The following DDX31 variants were observed in gnomAD, a reference collection of about 807,000 sequenced individuals.
DDX31 encodes DEAD-box helicase 31, also known as ATP-dependent DNA helicase DDX31.
Under a neutral mutation model 91.3 loss-of-function variants are expected in DDX31, and 70 were observed. The ratio of observed to expected loss-of-function variants is 0.77; its 90% CI spans 0.63 to 0.94. DDX31 has a LOEUF of 0.94. Ranked by LOEUF, DDX31 falls within the 40% of genes least tolerant of loss-of-function variation. DDX31 has a pLI of 0.00. For missense variants in DDX31, 902 were observed against 925.0 expected, an observed-to-expected ratio of 0.98 and a Z score of 0.32; for synonymous variants, 362 against 350.6, an observed-to-expected ratio of 1.03 and a Z score of -0.36.
At chr9:132,658,209 A>G in intron 6 of DDX31, 1 of 690,062 alleles carries the variant, frequency 1.4e-6, no homozygotes, top group South Asian at 1.5e-5. Context: ...CTTCACTGTA[A>G]GTCTTCACAC....
At chr9:132,642,391 G>A (rs774903105) in intron 13 of DDX31, among the ~76,000 whole-genome samples, 44 of 152,116 alleles carry the variant, frequency 2.9e-4, no homozygotes, top group Non-Finnish European at 4.6e-4. Flanking sequence ...TCAAGCCTGC[G>A]TGCAATTTAT....
intron 11 of DDX31, among the ~76,000 whole-genome samples, chr9:132,647,975 A>C (rs1833939304): frequency 6.6e-6 from 1 of 151,970 alleles, no homozygotes; most frequent in Non-Finnish European, 1.5e-5. Context: ...CCCTTTCCCC[A>C]TGCCCTGGGG....
At chr9:132,643,866 TA>T (rs925285628) in intron 13 of DDX31, among the ~76,000 whole-genome samples, 5 of 151,400 alleles carry the variant, frequency 3.3e-5, no homozygotes, top group Non-Finnish European at 5.9e-5. Flanking sequence ...AGAAAGTTCA[TA>T]AAAGCTTATG....
At chr9:132,655,779 G>C (rs183791663) in intron 6 of DDX31, among the ~76,000 whole-genome samples, 1 of 152,182 alleles carries the variant, frequency 6.6e-6, no homozygotes. Flanking sequence ...ACAAAACAAC[G>C]TTACTGCCAA....
In DDX31 at chr9:132,646,018, C is replaced by A; in HGVS notation, c.1257G>T (p.Glu419Asp). 6.2e-7 allele frequency: 1 copy of A among 1,614,192 alleles called. No individual in the cohort carries two copies. Among genetic ancestry groups the A allele is most frequent in the Non-Finnish European group, 8.5e-7 (1 of 1,180,036 alleles). ...VVFFSSCELV[E>D]FHYSLFLQTL... ...TCTGTAGGAAGAGGCTGTAGTGGAA[C>A]TCCACCAGCTCGCAACTTGAGAAAA... The change falls in exon 13 of 20, where the codon GAG (glutamate) becomes GAT (aspartate). Residue 419 changes from glutamate (E) to aspartate (D), a missense_variant. By Grantham distance (45) the Glu-to-Asp change is conservative. Coordinates refer to ENST00000372159, the MANE Select transcript of DDX31 (RefSeq NM_022779.9).
chr9:132,618,328 A>T lies in DDX31; in HGVS notation c.1825+2T>A, dbSNP rs1338338979. 6.2e-7 allele frequency: 1 copy of T among 1,607,326 alleles called. No homozygotes were observed. Among genetic ancestry groups the T allele is most frequent in the Admixed American group, 1.7e-5 (1 of 58,830 alleles). On this transcript the variant is annotated splice_donor_variant, in intron 18 of 19. Coordinates refer to ENST00000372159, the MANE Select transcript of DDX31 (RefSeq NM_022779.9). LOFTEE classifies it high-confidence loss of function. ...GCGCAAGCACCTAGGAAATCGACTG[A>T]CCTTTCTTTGCCCAGGAGACCCTCC...
chr9:132,613,525 C>T lies in DDX31; in HGVS notation c.1826-1270G>A, dbSNP rs375668090. 3.2e-4 allele frequency among the ~76,000 whole-genome samples: 49 copies of T among 152,210 alleles called. 1 individual carries two copies. The East Asian group carries it at 7.8e-3, about 24-fold the overall frequency. On this transcript the variant is annotated intron_variant, in intron 18 of 19. Coordinates refer to ENST00000372159, the MANE Select transcript of DDX31 (RefSeq NM_022779.9). ...ACTGGCCAACATGGTGAAACCCTGT[C>T]TCTACTAAAAATGCAAAAATTAGCC...
chr9:132,604,994 A>T (rs1830931118), intron 19 of DDX31, among the ~76,000 whole-genome samples: 1 of 152,152 alleles, frequency 6.6e-6, no homozygotes, highest in South Asian at 2.1e-4. Flanking sequence ...GGATGCCTTT[A>T]TGTGGGGAAG....
intron 1 of DDX31, among the ~76,000 whole-genome samples, chr9:132,667,605 A>AAAAACAAAAC (rs372699370): frequency 0.14 from 21,920 of 151,512 alleles, 3,133 homozygotes; most frequent in African/African-American, 0.37. Context: ...TCCATCTCAA[A>AAAAACAAAAC]AAAACAAAAC....
intron 17 of DDX31, among the ~76,000 whole-genome samples, chr9:132,624,166 CAAAAAAAAAAAAAAA>C (rs4021852): frequency 4.2e-5 from 3 of 71,464 alleles, no homozygotes; most frequent in Non-Finnish European, 7.9e-5. Flanking sequence ...GACTCCGTCT[CAAAAAAAAAAAAAAA>C]AAAAAAAAAA....
rs3739901 is a variant in DDX31, at chr9:132,662,136, C to T, written c.408+125G>A. On this transcript the variant is annotated intron_variant, in intron 3 of 19. Transcript: ENST00000372159. ...AGTATCATATCAATCTGAGTTCATT[C>T]AGGTAACTTAGAGCAGAAACAAACA... 4.0e-3 allele frequency: 3,689 copies of T among 913,726 alleles called. 78 individuals are homozygous for T. The East Asian group carries it at 0.052, about 13-fold the overall frequency. 56.6% of individuals were successfully genotyped at this position (913,726 alleles called of 1,614,324 possible). A position where few individuals can be genotyped will look rare whatever the true frequency, so the allele number is the denominator to read the frequency against.
Position 132,633,168 on chromosome 9 carries a change from G to A in DDX31, c.1441-1077C>T, listed in dbSNP as rs528542663. 2.1e-4 allele frequency among the ~76,000 whole-genome samples: 32 copies of A among 152,320 alleles called. No homozygotes were observed. In the Middle Eastern group the frequency reaches 0.01, roughly 49 times the overall value. Reference sequence around the variant, plus strand: ...TTCGGGGACACACAGCTGGGAAGTGGAAATAATCCTCGAATCCAGGTCTGC... The same window carrying A: ...TTCGGGGACACACAGCTGGGAAGTGAAAATAATCCTCGAATCCAGGTCTGC... On this transcript the variant is annotated intron_variant, in intron 14 of 19. Coordinates refer to ENST00000372159, the MANE Select transcript of DDX31 (RefSeq NM_022779.9).
chr9:132,617,316 C>T (rs189152283), intron 18 of DDX31, among the ~76,000 whole-genome samples: 2 of 152,216 alleles, frequency 1.3e-5, no homozygotes, highest in African/African-American at 4.8e-5. Context: ...TTCACCTCCC[C>T]CATCTCCTTC....
In DDX31 at chr9:132,662,287, G is replaced by A. The variant is rs953566166; in HGVS notation, c.382C>T (p.His128Tyr). 3 of 1,614,092 alleles carry A rather than the reference G, an allele frequency of 1.9e-6. No homozygotes were observed. Among genetic ancestry groups the A allele is most frequent in the Non-Finnish European group, 2.5e-6 (3 of 1,180,062 alleles). ...QEKVFTSAAF[H>Y]ELGLHPHLIS... ...AAATGTGGGTGGAGGCCCAGCTCATGAAAAGCAGCTGAAGTAAACACTTTT... is the reference window on the plus strand; with the variant it reads ...AAATGTGGGTGGAGGCCCAGCTCATAAAAAGCAGCTGAAGTAAACACTTTT... Residue 128 changes from histidine to tyrosine, a missense_variant, in exon 3 of 20, where the codon CAT becomes TAT. Coordinates refer to ENST00000372159, the MANE Select transcript of DDX31 (RefSeq NM_022779.9).
chr9:132,645,392 A>G (rs1174278162), intron 13 of DDX31, among the ~76,000 whole-genome samples: 2 of 152,154 alleles, frequency 1.3e-5, no homozygotes, highest in African/African-American at 4.8e-5. Context: ...CCCTCTCCCA[A>G]CCGAAAGTGT....
intron 16 of DDX31, among the ~76,000 whole-genome samples, chr9:132,629,992 T>C (rs981284843): frequency 1.3e-5 from 2 of 152,238 alleles, no homozygotes; most frequent in Non-Finnish European, 2.9e-5. Flanking sequence ...GGTGCACACT[T>C]ATCTTGCAGC....
chr9:132,618,344 G>A lies in DDX31; in HGVS notation c.1811C>T (p.Ser604Phe), dbSNP rs146754498. The A allele has an allele frequency of 2.4e-5, 39 of 1,608,902 alleles. No homozygotes were observed. The highest frequency in any genetic ancestry group is 1.7e-4 in the South Asian group (15 of 89,704). The change falls in exon 18 of 20, where the codon TCC (serine) becomes TTC (phenylalanine). Residue 604 changes from serine (S) to phenylalanine (F), a missense_variant. Ser to Phe is a radical substitution (Grantham distance 155). Coordinates refer to ENST00000372159, the MANE Select transcript of DDX31 (RefSeq NM_022779.9). ...AATCGACTGACCTTTCTTTGCCCAG[G>A]AGACCCTCCTCTCACTGGAGTGCAC... ...DYVHSSERRV[S>F]WAKKALQSFI...
At chr9:132,647,897 C>T in intron 11 of DDX31, among the ~76,000 whole-genome samples, 1 of 152,156 alleles carries the variant, frequency 6.6e-6, no homozygotes, top group Non-Finnish European at 1.5e-5. Flanking sequence ...TGCAAGTGCA[C>T]AAAAACCTCA....
intron 7 of DDX31, among the ~76,000 whole-genome samples, chr9:132,651,555 C>G (rs11243864): frequency 0.39 from 58,800 of 152,002 alleles, 11,808 homozygotes; most frequent in Admixed American, 0.49. Flanking sequence ...TCTCAAGGAG[C>G]GATGACTGTA....
Sources: gnomAD v4.1 joint callset for allele counts (sites outside exome capture counted in the v4.1 genomes callset) on GRCh38, gnomAD v4.1.1 for gene constraint, MANE v1.5 for transcripts, NCBI Gene and HGNC (gene_info 2026-07-23, HGNC 2026-07-21) for gene names.